CIMAP2: variants seen among roughly 807,000 people sequenced by gnomAD.
The protein encoded by CIMAP2 is ciliary microtubule-associated protein 2.
chr1:54,815,380 T>G, the CIMAP2 span, among the ~76,000 whole-genome samples: 5 of 152,220 alleles, frequency 3.3e-5, no homozygotes, highest in African/African-American at 1.2e-4. Context: ...GGGACCACAC[T>G]TTGAGAACCA....
the CIMAP2 span, chr1:54,812,061 C>T: frequency 1.2e-6 from 2 of 1,614,028 alleles, no homozygotes; most frequent in South Asian, 2.2e-5. Flanking sequence ...TGGTCTGGGA[C>T]CCGGCACCTA....
the CIMAP2 span, among the ~76,000 whole-genome samples, chr1:54,818,044 C>T: frequency 1.3e-5 from 2 of 152,222 alleles, no homozygotes; most frequent in Admixed American, 6.5e-5. Context: ...GAAGGCCTTT[C>T]ATAGCCTCCT....
the CIMAP2 span, chr1:54,813,705 A>G: frequency 7.9e-7 from 1 of 1,263,812 alleles, no homozygotes; most frequent in Non-Finnish European, 1.1e-6. Context: ...TCTGCACAGC[A>G]GGATAGTAAG....
the CIMAP2 span, among the ~76,000 whole-genome samples, chr1:54,822,318 T>G: frequency 6.6e-6 from 1 of 152,246 alleles, no homozygotes; most frequent in African/African-American, 2.4e-5. Context: ...CTAGAAGTCC[T>G]AGATGTTTAT....
chr1:54,807,661 C>G, the CIMAP2 span: 1 of 1,605,080 alleles, frequency 6.2e-7, no homozygotes, highest in Non-Finnish European at 8.5e-7. Context: ...CTTCCAGTAC[C>G]AGGCCATCAT....
the CIMAP2 span, among the ~76,000 whole-genome samples, chr1:54,841,066 T>C: frequency 0.21 from 31,332 of 151,862 alleles, 3,482 homozygotes; most frequent in East Asian, 0.47. Flanking sequence ...AGACAGGAGG[T>C]GTGGAGACCC....
At chr1:54,808,448 G>A in the CIMAP2 span, among the ~76,000 whole-genome samples, 1 of 152,134 alleles carries the variant, frequency 6.6e-6, no homozygotes, top group South Asian at 2.1e-4. Context: ...AGGCCTTGAG[G>A]TGGGAACATG....
chr1:54,830,659 T>C, the CIMAP2 span, among the ~76,000 whole-genome samples: 1 of 152,178 alleles, frequency 6.6e-6, no homozygotes, highest in Non-Finnish European at 1.5e-5. This position sits in a 1 kb window ranked among gnomAD's most constrained non-coding sequence, Gnocchi z 4.1. Flanking sequence ...CTGCAGACAG[T>C]GGGGGAGAGA....
chr1:54,807,067 G>C, the CIMAP2 span: 1 of 1,613,844 alleles, frequency 6.2e-7, no homozygotes, highest in Non-Finnish European at 8.5e-7. Flanking sequence ...TACTCCACGC[G>C]TTATTCTACC....
chr1:54,815,152 C>G, the CIMAP2 span: 2 of 1,447,342 alleles, frequency 1.4e-6, no homozygotes, highest in African/African-American at 2.8e-5. Flanking sequence ...ATATGCCTCC[C>G]CTTTCTTTTC....
the CIMAP2 span, among the ~76,000 whole-genome samples, chr1:54,830,823 G>A: frequency 6.6e-6 from 1 of 152,110 alleles, no homozygotes; most frequent in Non-Finnish European, 1.5e-5. The surrounding 1 kb of genome is among the most constrained non-coding windows in gnomAD (Gnocchi z 4.1). Context: ...TACTGATTTG[G>A]AGTTTAGCTT....
the CIMAP2 span, chr1:54,806,100 CA>C: frequency 6.6e-7 from 1 of 1,508,500 alleles, no homozygotes; most frequent in Non-Finnish European, 8.8e-7. Flanking sequence ...CGGAGGCGGG[CA>C]GCGCGCAGGC....
the CIMAP2 span, chr1:54,817,138 G>A: frequency 3.1e-6 from 5 of 1,613,886 alleles, no homozygotes; most frequent in Non-Finnish European, 4.2e-6. Context: ...TGCAGCTGGA[G>A]CTGCAGGCGA....
chr1:54,831,372 C>T, the CIMAP2 span, among the ~76,000 whole-genome samples: 3 of 152,120 alleles, frequency 2.0e-5, no homozygotes, highest in African/African-American at 7.2e-5. Flanking sequence ...AAGGGGAAGA[C>T]ATGGACACAA....
the CIMAP2 span, among the ~76,000 whole-genome samples, chr1:54,823,274 ATTG>A: frequency 3.3e-5 from 5 of 151,082 alleles, no homozygotes; most frequent in Non-Finnish European, 7.4e-5. Flanking sequence ...TATATTTACT[ATTG>A]TTATATTCTT....
chr1:54,816,578 C>G, the CIMAP2 span, among the ~76,000 whole-genome samples: 1 of 152,202 alleles, frequency 6.6e-6, no homozygotes, highest in Non-Finnish European at 1.5e-5. Flanking sequence ...CGTGCTCCCT[C>G]TGAAACCTGT....
At chr1:54,826,536 T>C in the CIMAP2 span, among the ~76,000 whole-genome samples, 1 of 152,198 alleles carries the variant, frequency 6.6e-6, no homozygotes, top group East Asian at 1.9e-4. Flanking sequence ...GGTGCTGTGC[T>C]GCAGCTGCTT....
chr1:54,814,151 C>A, the CIMAP2 span, among the ~76,000 whole-genome samples: 1 of 152,142 alleles, frequency 6.6e-6, no homozygotes, highest in Non-Finnish European at 1.5e-5. Context: ...CTTTGGGCGT[C>A]GGTTTATACC....
chr1:54,816,409 A>G, the CIMAP2 span, among the ~76,000 whole-genome samples: 19 of 149,366 alleles, frequency 1.3e-4, no homozygotes, highest in African/African-American at 4.4e-4. Flanking sequence ...TCCTTTCTCA[A>G]CCTCTCTGTT....
Sources: gnomAD v4.1 joint callset for allele counts (sites outside exome capture counted in the v4.1 genomes callset) on GRCh38, gnomAD v4.1.1 for gene constraint, Gnocchi (gnomAD v3.1) non-coding constraint, MANE v1.5 for transcripts, NCBI Gene and HGNC (gene_info 2026-07-23, HGNC 2026-07-21) for gene names.